The following EMC2 variants were observed in gnomAD, a reference collection of about 807,000 sequenced individuals.
EMC2 encodes TPR repeat protein 35.
A neutral mutation model predicts 51.6 loss-of-function variants in EMC2; 37 were observed. The observed-to-expected ratio is 0.72, with a 90% CI of 0.55 to 0.94. The LOEUF (loss-of-function observed/expected upper bound fraction) is 0.94, where lower values mean the gene tolerates loss of function less well. Among genes scored for constraint, EMC2 ranks in the 40% least tolerant of loss-of-function variants. The pLI is 0.00. For missense variants in EMC2, 359 were observed against 350.9 expected, an observed-to-expected ratio of 1.02 and a Z score of -0.18; for synonymous variants, 131 against 112.4, an observed-to-expected ratio of 1.17 and a Z score of -1.04.
At chr8:108,459,490 C>T (rs540361083) in intron 5 of EMC2, among the ~76,000 whole-genome samples, 3 of 152,298 alleles carry the variant, frequency 2.0e-5, no homozygotes, top group African/African-American at 7.2e-5. Flanking sequence ...TCACATCTTA[C>T]ATGGATGACA....
At chr8:108,456,892 T>C (rs1819179322) in intron 5 of EMC2, among the ~76,000 whole-genome samples, 1 of 152,208 alleles carries the variant, frequency 6.6e-6, no homozygotes, top group Non-Finnish European at 1.5e-5. Flanking sequence ...TTAAAAATTT[T>C]AAACAAAAAC....
chr8:108,455,951 G>A, intron 5 of EMC2, 21 bp downstream of exon 5: 1 of 1,209,314 alleles, frequency 8.3e-7, no homozygotes, highest in Non-Finnish European at 1.1e-6. Context: ...AGATTGTCTT[G>A]AAAAAAATCT....
chr8:108,458,929 C>T (rs1215468878), intron 5 of EMC2, among the ~76,000 whole-genome samples: 3 of 152,134 alleles, frequency 2.0e-5, no homozygotes, highest in South Asian at 4.1e-4. Flanking sequence ...AACTGAATGC[C>T]TTTAACAGCA....
Position 108,443,624 on chromosome 8 carries a change from G to C in EMC2, c.-35G>C. ...GCGGGTCACGTGACTGCGTCTCCCC[G>C]CCCTCTCACCCCGCTGCCTCTAGGT... On this transcript the variant is annotated 5_prime_UTR_variant, in exon 1 of 11. Coordinates refer to ENST00000220853, the MANE Select transcript of EMC2 (RefSeq NM_014673.5). 2 of 1,594,190 alleles carry C rather than the reference G, an allele frequency of 1.3e-6. No individual in the cohort carries two copies. The highest frequency in any genetic ancestry group is 1.7e-6 in the Non-Finnish European group (2 of 1,169,394).
chr8:108,463,966 C>T (rs1182394402), intron 5 of EMC2: 1 of 152,494 alleles, frequency 6.6e-6, no homozygotes. Context: ...CCTGGAACAC[C>T]AGTGTCACTC....
At chr8:108,485,865 A>G (rs1292711700) in intron 10 of EMC2, among the ~76,000 whole-genome samples, 1 of 151,746 alleles carries the variant, frequency 6.6e-6, no homozygotes, top group African/African-American at 2.4e-5. Context: ...TAGTTTTATA[A>G]TGTAAATAAA....
chr8:108,445,592 CA>C (rs1359767608), intron 1 of EMC2, among the ~76,000 whole-genome samples: 3 of 150,730 alleles, frequency 2.0e-5, no homozygotes, highest in Non-Finnish European at 4.4e-5. Context: ...CATCCCCCAC[CA>C]AAATTGAAAA....
At chr8:108,478,118 G>C (rs1810979990) in intron 9 of EMC2, among the ~76,000 whole-genome samples, 1 of 152,074 alleles carries the variant, frequency 6.6e-6, no homozygotes, top group East Asian at 1.9e-4. Flanking sequence ...CACTGGCAGA[G>C]AGGGAGACAT....
At chr8:108,463,872 A>G (rs1052993237) in intron 5 of EMC2, among the ~76,000 whole-genome samples, 16 of 152,176 alleles carry the variant, frequency 1.1e-4, no homozygotes, top group Non-Finnish European at 2.4e-4. Context: ...GGTAAATGGT[A>G]ACATGCCTCA....
chr8:108,444,083 G>C (rs1249884536), intron 1 of EMC2, among the ~76,000 whole-genome samples: 1 of 152,224 alleles, frequency 6.6e-6, no homozygotes, highest in African/African-American at 2.4e-5. Context: ...CACAGGGCCT[G>C]TAAGGCCCTT....
chr8:108,445,386 C>G lies in EMC2; in HGVS notation c.40+1688C>G, dbSNP rs532009911. ...CCTCTCACTTTGTGAGCTGCCTATG[C>G]TGGCCTTTGTTGAATACCCTAAATT... On this transcript the variant is annotated intron_variant, in intron 1 of 10. Coordinates refer to ENST00000220853, the MANE Select transcript of EMC2 (RefSeq NM_014673.5). Among the ~76,000 whole-genome samples, 9 of 152,294 alleles carry G rather than the reference C, an allele frequency of 5.9e-5. No homozygotes were observed. In the East Asian group the frequency reaches 1.7e-3, roughly 29 times the overall value.
chr8:108,456,599 A>G (rs1313477374), intron 5 of EMC2, among the ~76,000 whole-genome samples: 1 of 152,154 alleles, frequency 6.6e-6, no homozygotes, highest in Non-Finnish European at 1.5e-5. Context: ...AAGAAGAAAC[A>G]TACCCCTTTA....
At chr8:108,479,729 ACTT>A (rs1354614329) in intron 10 of EMC2, among the ~76,000 whole-genome samples, 1 of 152,020 alleles carries the variant, frequency 6.6e-6, no homozygotes, top group African/African-American at 2.4e-5. Flanking sequence ...ACCCGTTAAT[ACTT>A]TACCTAAGTA....
rs975654809 is a variant in EMC2 at position 108,486,774 on chromosome 8, G to A, written c.*176G>A. 2 of 520,154 alleles carry A rather than the reference G, an allele frequency of 3.8e-6. No individual in the cohort carries two copies. The highest frequency in any genetic ancestry group is 7.9e-5 in the Admixed American group (2 of 25,412). 32.2% of individuals were successfully genotyped at this position (520,154 alleles called of 1,614,324 possible). Reference sequence around the variant, plus strand: ...AAAAATGCCTTTTACTGCTAAGTGGGGAGATGGGGGAAATCCATGGAAGAG... The same window carrying A: ...AAAAATGCCTTTTACTGCTAAGTGGAGAGATGGGGGAAATCCATGGAAGAG... On this transcript the variant is annotated 3_prime_UTR_variant, in exon 11 of 11. Transcript: ENST00000220853.
chr8:108,462,186 G>T (rs186932761), intron 5 of EMC2, among the ~76,000 whole-genome samples: 1 of 151,982 alleles, frequency 6.6e-6, no homozygotes, highest in East Asian at 1.9e-4. Flanking sequence ...GCGTGTGTGT[G>T]TGTGTTTGTG....
At chr8:108,467,150 T>A (rs1054878361) in intron 5 of EMC2, among the ~76,000 whole-genome samples, 1 of 152,188 alleles carries the variant, frequency 6.6e-6, no homozygotes, top group Non-Finnish European at 1.5e-5. Context: ...TAGCTACCGA[T>A]CTGCAGTAGA....
At chr8:108,472,432 T>G (rs1042311447) in intron 7 of EMC2, among the ~76,000 whole-genome samples, 2 of 151,574 alleles carry the variant, frequency 1.3e-5, no homozygotes, top group African/African-American at 4.8e-5. Flanking sequence ...TAGGAGCACC[T>G]AAAAATATTT....
chr8:108,481,391 G>A (rs1811041995), intron 10 of EMC2, among the ~76,000 whole-genome samples: 2 of 152,002 alleles, frequency 1.3e-5, no homozygotes, highest in South Asian at 4.2e-4. Context: ...TGCAGTTTGG[G>A]ATAGCTCAGA....
At chr8:108,486,394 T>C in intron 10 of EMC2, 118 bp from the exon 11 acceptor site, 2 of 1,314,524 alleles carry the variant, frequency 1.5e-6, no homozygotes, top group South Asian at 1.9e-5. Context: ...ATATATTTGA[T>C]TTCCTACTAG....
Sources: allele counts gnomAD v4.1 joint callset (sites outside exome capture counted in the v4.1 genomes callset), GRCh38; gene constraint gnomAD v4.1.1; transcripts MANE v1.5; gene names NCBI Gene and HGNC (gene_info 2026-07-23, HGNC 2026-07-21).